The following RYR3 variants were observed in gnomAD, a reference collection of about 807,000 sequenced individuals.
The protein encoded by RYR3 is ryanodine receptor 3.
Under a neutral mutation model 584.3 loss-of-function variants are expected in RYR3, and 207 were observed. The observed-to-expected ratio is 0.35, with a 90% CI of 0.32 to 0.40. The LOEUF is 0.40. RYR3 is among the 10% of genes least tolerant of loss of function. The probability of loss-of-function intolerance (pLI) is 1.00; values close to 1 mark genes in which losing one functional copy is unlikely to be tolerated. For missense variants in RYR3, 5,616 were observed against 6,089.2 expected, an observed-to-expected ratio of 0.92 and a Z score of 2.59; for synonymous variants, 2,416 against 2,248.5, an observed-to-expected ratio of 1.07 and a Z score of -2.11.
At chr15:33,751,450 C>T (rs2071294845) in intron 57 of RYR3, among the ~76,000 whole-genome samples, 1 of 152,152 alleles carries the variant, frequency 6.6e-6, no homozygotes, top group East Asian at 1.9e-4. Context: ...GATGGTATCT[C>T]ATTGTGGTTT....
rs1042470180 is a variant in RYR3 at position 33,801,098 on chromosome 15, C to A, written c.9918+241C>A. Among the ~76,000 whole-genome samples the A allele has an allele frequency of 7.9e-5, 12 of 152,156 alleles. No homozygotes were observed. The East Asian group carries it at 2.3e-3, about 29-fold the overall frequency. On this transcript the variant is annotated intron_variant, in intron 68 of 103. Transcript: ENST00000634891. ...AGAAGTTACTGACAGAGGCATAAAT[C>A]AATACATGTAAAGTATACCTTGGTT...
intron 18 of RYR3, among the ~76,000 whole-genome samples, chr15:33,606,187 C>G (rs1229636279): frequency 6.6e-6 from 1 of 152,154 alleles, no homozygotes; most frequent in Non-Finnish European, 1.5e-5. Context: ...ACAAATTAAC[C>G]TCTCAGAGAC....
chr15:33,644,170 GAAGA>G (rs929259425), intron 27 of RYR3, 137 bp from the exon 28 acceptor site: 46 of 649,736 alleles, frequency 7.1e-5, no homozygotes, highest in Non-Finnish European at 8.6e-5. Context: ...TATGTGCCAG[GAAGA>G]AAGAAAGAAA....
chr15:33,726,559 C>G, intron 46 of RYR3, 53 bp downstream of exon 46: 1 of 1,527,116 alleles, frequency 6.5e-7, no homozygotes, highest in Non-Finnish European at 8.8e-7. Context: ...GCCACTGGCT[C>G]GGGGCAGGAC....
At chr15:33,779,882 G>A (rs1383659208) in intron 64 of RYR3, among the ~76,000 whole-genome samples, 1 of 152,080 alleles carries the variant, frequency 6.6e-6, no homozygotes, top group African/African-American at 2.4e-5. Context: ...ATGGTGGTGG[G>A]CGCATGTAGT....
chr15:33,695,216 G>A (rs1184459590), intron 38 of RYR3, among the ~76,000 whole-genome samples: 1 of 152,202 alleles, frequency 6.6e-6, no homozygotes, highest in African/African-American at 2.4e-5. Context: ...AGAGCAGCAT[G>A]TCTCACCTCT....
At chr15:33,332,598 T>G (rs546307518) in intron 1 of RYR3, among the ~76,000 whole-genome samples, 5 of 152,030 alleles carry the variant, frequency 3.3e-5, no homozygotes, top group Non-Finnish European at 5.9e-5. Context: ...TAAATCTTAT[T>G]CTCTCATTAC....
At position 33,840,020 on chromosome 15, in the gene RYR3, T is replaced by G. The variant is rs200891425; in HGVS notation, c.12979-805T>G. On this transcript the variant is annotated intron_variant, in intron 89 of 103. Transcript: ENST00000634891. ...ACAACATTTTTGCTCTCATGGATCT[T>G]AACTTCTAGTGGGAGAAGACAACAA... is the stretch of plus-strand genomic sequence containing the variant. 1.5e-4 allele frequency among the ~76,000 whole-genome samples: 23 copies of G among 152,304 alleles called. No homozygotes were observed. The East Asian group carries it at 4.0e-3, about 27-fold the overall frequency.
chr15:33,458,575 T>C (rs1343033812), intron 1 of RYR3, among the ~76,000 whole-genome samples: 2 of 152,362 alleles, frequency 1.3e-5, no homozygotes, highest in South Asian at 4.1e-4. Context: ...CTAATACAGC[T>C]GCTTTTCTTG....
At position 33,681,737 on chromosome 15, in the gene RYR3, T is replaced by C. The variant is rs2064635908; in HGVS notation, c.5860+11181T>C. 2.0e-5 allele frequency among the ~76,000 whole-genome samples: 3 copies of C among 152,366 alleles called. No individual in the cohort carries two copies. The South Asian group carries it at 6.2e-4, about 32-fold the overall frequency. ...TTTTCCCATTGTAATGTGAGCATTA[T>C]AAATTGCTTTCTAAGTGTAACCTAA... is the stretch of plus-strand genomic sequence containing the variant. On this transcript the variant is annotated intron_variant, in intron 38 of 103. Coordinates refer to ENST00000634891, the MANE Select transcript of RYR3 (RefSeq NM_001036.6).
Position 33,794,348 on chromosome 15 carries a change from A to T in RYR3, c.9830+5890A>T, listed in dbSNP as rs201175913. Among the ~76,000 whole-genome samples, 9 of 58,332 alleles carry T rather than the reference A, an allele frequency of 1.5e-4. 1 individual carries two copies. Among genetic ancestry groups the T allele is most frequent in the South Asian group, 6.2e-4 (1 of 1,612 alleles). 38.3% of individuals were successfully genotyped at this position (58,332 alleles called of 152,430 possible). A position where few individuals can be genotyped will look rare whatever the true frequency, so the allele number is the denominator to read the frequency against. ...TTTTATATATGTTTATATATATAAA[A>T]ATATATATATATATAAAATCTTTTC... On this transcript the variant is annotated intron_variant, in intron 67 of 103. Transcript: ENST00000634891.
At chr15:33,367,886 G>A (rs1452217251) in intron 1 of RYR3, among the ~76,000 whole-genome samples, 1 of 152,112 alleles carries the variant, frequency 6.6e-6, no homozygotes, top group African/African-American at 2.4e-5. Flanking sequence ...TTAAGTTATT[G>A]CAGAGATAAC....
chr15:33,770,856 G>A (rs1401675384), intron 62 of RYR3, among the ~76,000 whole-genome samples: 1 of 152,200 alleles, frequency 6.6e-6, no homozygotes, highest in African/African-American at 2.4e-5. Flanking sequence ...AAATGATGTA[G>A]ATAAAAAGCA....
At chr15:33,362,348 C>T (rs887529263) in intron 1 of RYR3, among the ~76,000 whole-genome samples, 7 of 151,962 alleles carry the variant, frequency 4.6e-5, no homozygotes, top group African/African-American at 7.3e-5. Context: ...GTGTGTAAAG[C>T]GTGTAGAATA....
intron 7 of RYR3, among the ~76,000 whole-genome samples, chr15:33,541,877 G>A (rs2055850055): frequency 6.6e-6 from 1 of 152,072 alleles, no homozygotes; most frequent in African/African-American, 2.4e-5. Context: ...TGGGTCTATT[G>A]TCAGTCAATC....
chr15:33,766,464 A>C (rs2073083077), intron 60 of RYR3, among the ~76,000 whole-genome samples: 1 of 152,236 alleles, frequency 6.6e-6, no homozygotes, highest in Non-Finnish European at 1.5e-5. Context: ...TGCAGGATGC[A>C]CCAGTGTGTT....
At position 33,465,617 on chromosome 15, in the gene RYR3, C is replaced by G. The variant is rs546279702; in HGVS notation, c.52-7802C>G. The stretch of plus-strand genomic sequence containing the variant: ...AAGTAAGATGGAAAGTGATTGGAGG[C>G]TTTCAAGTCGTGAAATGATGCGATC... On this transcript the variant is annotated intron_variant, in intron 1 of 103. Transcript: ENST00000634891. The G allele has an allele frequency of 9.3e-4, 435 of 469,154 alleles. 1 individual carries two copies. The highest frequency in any genetic ancestry group is 1.6e-3 in the Non-Finnish European group (371 of 235,668). 29.1% of individuals were successfully genotyped at this position (469,154 alleles called of 1,614,324 possible).
intron 40 of RYR3, among the ~76,000 whole-genome samples, chr15:33,698,601 A>C (rs1301837592): frequency 6.6e-6 from 1 of 152,078 alleles, no homozygotes; most frequent in Non-Finnish European, 1.5e-5. Context: ...GTATGGCTTC[A>C]AATGTTGGAA....
At chr15:33,601,698 T>C (rs2059670967) in intron 17 of RYR3, 146 bp downstream of exon 17, 6 of 806,184 alleles carry the variant, frequency 7.4e-6, no homozygotes, top group African/African-American at 1.7e-5. Context: ...ACCAAGCAAA[T>C]GTGCATTTCC....
Sources: gnomAD v4.1 joint callset for allele counts (sites outside exome capture counted in the v4.1 genomes callset) on GRCh38, gnomAD v4.1.1 for gene constraint, MANE v1.5 for transcripts, NCBI Gene and HGNC (gene_info 2026-07-23, HGNC 2026-07-21) for gene names.